Variants in DNER observed in about 807,000 individuals in gnomAD.
DNER encodes the protein delta/notch like EGF repeat containing.
DNER carries 33 observed loss-of-function variants against 78.2 expected under a neutral mutation model. That is an observed-to-expected ratio of 0.42 (90% CI 0.32 to 0.56). DNER has a LOEUF of 0.56. DNER is among the 20% of genes least tolerant of loss of function. The pLI is 0.11. For synonymous variants in DNER, 417 were observed against 384.8 expected (o/e 1.08, Z -0.98); for missense variants, 918 against 975.3 (o/e 0.94, Z 0.78).
At chr2:229,383,571 C>G (rs371286981) in intron 11 of DNER, among the ~76,000 whole-genome samples, 2 of 151,950 alleles carry the variant, frequency 1.3e-5, no homozygotes, top group South Asian at 2.1e-4. Context: ...GGAATATTTA[C>G]CAAGCAAATG....
At chr2:229,560,623 C>T (rs1319241147) in intron 4 of DNER, among the ~76,000 whole-genome samples, 1 of 152,134 alleles carries the variant, frequency 6.6e-6, no homozygotes, top group Non-Finnish European at 1.5e-5. Flanking sequence ...AGCTAATAAG[C>T]CGGTCAGGAT....
chr2:229,578,226 G>A (rs1328054168), intron 4 of DNER, among the ~76,000 whole-genome samples: 1 of 152,028 alleles, frequency 6.6e-6, no homozygotes, highest in Admixed American at 6.6e-5. Flanking sequence ...TCGGTCGCTC[G>A]CCCTGTCTCC....
At position 229,714,303 on chromosome 2, in the gene DNER, G is replaced by A. The variant is rs374274039; in HGVS notation, c.121C>T (p.Pro41Ser). 8.0e-3 allele frequency: 10,432 copies of A among 1,304,332 alleles called. 73 individuals carry two copies. The highest frequency in any genetic ancestry group is 0.034 in the Middle Eastern group (117 of 3,424). The allele number at this position is 1,304,332 out of a possible 1,614,324, so 80.8% of individuals were successfully genotyped here. A position where few individuals can be genotyped will look rare whatever the true frequency, so the allele number is the denominator to read the frequency against. The change falls in exon 1 of 13, where the codon CCC becomes TCC. Residue 41 changes from proline (P) to serine (S), a missense_variant. Coordinates refer to ENST00000341772, the MANE Select transcript of DNER (RefSeq NM_139072.4). ...GCGCACGGCCCGGGCGCAGACAGGG[G>A]CGCGGCGGGCACCGGGTTGGCCAGG... ...SSLANPVPAA[P>S]LSAPGPCAAQ...
intron 12 of DNER, among the ~76,000 whole-genome samples, chr2:229,362,059 G>T (rs1417708179): frequency 1.3e-5 from 2 of 152,070 alleles, no homozygotes; most frequent in Admixed American, 6.5e-5. Flanking sequence ...ATGGGAAGGA[G>T]TTGACACACT....
At chr2:229,590,462 TA>T (rs1457600338) in intron 2 of DNER, among the ~76,000 whole-genome samples, 1 of 152,100 alleles carries the variant, frequency 6.6e-6, no homozygotes, top group East Asian at 1.9e-4. Flanking sequence ...ATGACAACAG[TA>T]AAAAAATAGT....
Position 229,586,536 on chromosome 2 carries a change from AAAAAAAAAAAAAAAC to A in DNER, c.681-527_681-513del, listed in dbSNP as rs1559174463. 4.0e-4 allele frequency among the ~76,000 whole-genome samples: 41 copies of A among 101,364 alleles called. 2 individuals are homozygous for A. Among genetic ancestry groups the A allele is most frequent in the African/African-American group, 1.7e-3 (34 of 19,766 alleles). The allele number at this position is 101,364 out of a possible 152,430, so 66.5% of individuals were successfully genotyped here. A position where few individuals can be genotyped will look rare whatever the true frequency, so the allele number is the denominator to read the frequency against. ...AAAAAAAAAAAAAAAAAAAAAAAAA[AAAAAAAAAAAAAAAC>A]ACACAAAACCACCCCACAGAGAATA... On this transcript the variant is annotated intron_variant, in intron 3 of 12. Coordinates refer to ENST00000341772, the MANE Select transcript of DNER (RefSeq NM_139072.4).
chr2:229,555,990 A>G (rs1413200179), intron 4 of DNER, among the ~76,000 whole-genome samples: 1 of 152,218 alleles, frequency 6.6e-6, no homozygotes, highest in Non-Finnish European at 1.5e-5. Context: ...CTATTTATTA[A>G]GATCTATATC....
chr2:229,662,914 A>G (rs1272380835), intron 1 of DNER, among the ~76,000 whole-genome samples: 2 of 152,222 alleles, frequency 1.3e-5, no homozygotes, highest in African/African-American at 4.8e-5. Flanking sequence ...TCTGTGACCT[A>G]AATCCAGTCT....
At chr2:229,390,933 A>T (rs1329596136) in intron 10 of DNER, among the ~76,000 whole-genome samples, 1 of 152,138 alleles carries the variant, frequency 6.6e-6, no homozygotes, top group Non-Finnish European at 1.5e-5. Context: ...TCTTTTATAG[A>T]CAAACCCTCC....
In DNER at chr2:229,591,438, C is replaced by A; in HGVS notation, c.585+142G>T. On this transcript the variant is annotated intron_variant, in intron 2 of 12. Transcript: ENST00000341772. The surrounding 1 kb of genome is among the most constrained non-coding windows in gnomAD (Gnocchi z 4.6). ...AAACCATCGTACACACAAATGCAGA[C>A]AGGAATAAGTTTAGGGAGATATTTT... 1 of 1,008,866 alleles carries A rather than the reference C, an allele frequency of 9.9e-7. No individual in the cohort carries two copies. The highest frequency in any genetic ancestry group is 1.8e-5 in the South Asian group (1 of 55,010). 62.5% of individuals were successfully genotyped at this position (1,008,866 alleles called of 1,614,324 possible).
chr2:229,554,857 A>AAAGAGAAGAGAAGAGAAGAGAAGAG (rs869140188), intron 4 of DNER, among the ~76,000 whole-genome samples: 12 of 51,254 alleles, frequency 2.3e-4, no homozygotes, highest in Non-Finnish European at 3.1e-4. Flanking sequence ...CCTGAAAGGA[A>AAAGAGAAGAGAAGAGAAGAGAAGAG]AAGAGAAGAG....
At chr2:229,394,387 C>T (rs1693086719) in intron 10 of DNER, among the ~76,000 whole-genome samples, 1 of 151,784 alleles carries the variant, frequency 6.6e-6, no homozygotes, top group East Asian at 1.9e-4. Context: ...GGCTTCTCTT[C>T]GTAAGTCCCT....
chr2:229,661,734 T>C (rs1365055224), intron 1 of DNER, among the ~76,000 whole-genome samples: 1 of 152,196 alleles, frequency 6.6e-6, no homozygotes, highest in Non-Finnish European at 1.5e-5. Context: ...GAGCAACTAA[T>C]ATGAACTCGC....
intron 8 of DNER, among the ~76,000 whole-genome samples, chr2:229,434,595 A>G (rs1290604174): frequency 6.6e-6 from 1 of 152,180 alleles, no homozygotes; most frequent in African/African-American, 2.4e-5. Flanking sequence ...AACACACAGC[A>G]TTTGTTCATT....
At chr2:229,646,853 A>T (rs2154216159) in intron 1 of DNER, among the ~76,000 whole-genome samples, 1 of 152,352 alleles carries the variant, frequency 6.6e-6, no homozygotes, top group Admixed American at 6.5e-5. Context: ...AATATCAAGC[A>T]ATGCTAGTAG....
At chr2:229,511,857 GC>G (rs2154212274) in intron 6 of DNER, among the ~76,000 whole-genome samples, 1 of 152,300 alleles carries the variant, frequency 6.6e-6, no homozygotes, top group South Asian at 2.1e-4. Context: ...ATATTGCGTA[GC>G]CCCATGTGAA....
intron 10 of DNER, among the ~76,000 whole-genome samples, chr2:229,396,244 C>T (rs987838436): frequency 1.3e-5 from 2 of 152,110 alleles, no homozygotes; most frequent in African/African-American, 4.8e-5. Flanking sequence ...AAAGTAAGTG[C>T]TTCAGACAAA....
chr2:229,674,129 G>C (rs1159807509), intron 1 of DNER, among the ~76,000 whole-genome samples: 1 of 152,206 alleles, frequency 6.6e-6, no homozygotes, highest in East Asian at 1.9e-4. Context: ...AGGAGCTGTT[G>C]GTAGCCCTGG....
chr2:229,590,690 G>A (rs947350448), intron 2 of DNER, among the ~76,000 whole-genome samples: 12 of 152,096 alleles, frequency 7.9e-5, no homozygotes, highest in Admixed American at 2.6e-4. Flanking sequence ...GAGAAGACGC[G>A]GGCTGTGAAG....
Sources: allele counts gnomAD v4.1 joint callset (sites outside exome capture counted in the v4.1 genomes callset), GRCh38; gene constraint gnomAD v4.1.1; non-coding constraint Gnocchi (gnomAD v3.1); transcripts MANE v1.5; gene names NCBI Gene and HGNC (gene_info 2026-07-23, HGNC 2026-07-21).